The following DRC11 variants were observed in gnomAD, a reference collection of about 807,000 sequenced individuals.
DRC11 encodes dynein regulatory complex subunit 11, also known as IQ and AAA domain-containing protein 1.
the DRC11 span, among the ~76,000 whole-genome samples, chr2:236,349,266 TC>T: frequency 6.6e-6 from 1 of 152,142 alleles, no homozygotes; most frequent in Admixed American, 6.5e-5. This position sits in a 1 kb window ranked among gnomAD's most constrained non-coding sequence, Gnocchi z 5.5. Flanking sequence ...GGGCCATTGT[TC>T]CCTTACAGCT....
the DRC11 span, among the ~76,000 whole-genome samples, chr2:236,491,419 T>C: frequency 6.6e-6 from 1 of 150,704 alleles, no homozygotes; most frequent in East Asian, 2.0e-4. Context: ...CTTAACCCAG[T>C]GGAGGTGATA....
At chr2:236,422,738 T>C in the DRC11 span, among the ~76,000 whole-genome samples, 13 of 151,966 alleles carry the variant, frequency 8.6e-5, no homozygotes, top group Non-Finnish European at 1.5e-5. Flanking sequence ...GAGCCCGCAT[T>C]GCCAAGTCAA....
At chr2:236,439,196 G>A in the DRC11 span, among the ~76,000 whole-genome samples, 1 of 151,430 alleles carries the variant, frequency 6.6e-6, no homozygotes, top group African/African-American at 2.4e-5. Context: ...AAAGCTAGCA[G>A]AAGGCAAGAA....
At chr2:236,459,825 A>G in the DRC11 span, among the ~76,000 whole-genome samples, 1 of 152,012 alleles carries the variant, frequency 6.6e-6, no homozygotes, top group Non-Finnish European at 1.5e-5. Context: ...CGAATGTTCT[A>G]CAACGAACAT....
chr2:236,384,509 G>A, the DRC11 span, among the ~76,000 whole-genome samples: 3 of 151,858 alleles, frequency 2.0e-5, no homozygotes, highest in Admixed American at 6.6e-5. Flanking sequence ...TTTTGATGGG[G>A]TCTTTTTTTC....
At chr2:236,411,342 T>A in the DRC11 span, among the ~76,000 whole-genome samples, 1 of 150,750 alleles carries the variant, frequency 6.6e-6, no homozygotes, top group African/African-American at 2.4e-5. Flanking sequence ...AAAACCACAA[T>A]GAGATACCAT....
the DRC11 span, among the ~76,000 whole-genome samples, chr2:236,466,645 G>A: frequency 1.2e-4 from 18 of 152,130 alleles, no homozygotes; most frequent in Non-Finnish European, 2.2e-4. Context: ...AGAAGGGGAG[G>A]TCCCAGACTT....
At chr2:236,495,497 GA>G in the DRC11 span, among the ~76,000 whole-genome samples, 1 of 152,178 alleles carries the variant, frequency 6.6e-6, no homozygotes, top group African/African-American at 2.4e-5. The surrounding 1 kb of genome is among the most constrained non-coding windows in gnomAD (Gnocchi z 5.6). Context: ...CTATGGAGTG[GA>G]ATCTAGGAAA....
At chr2:236,504,725 A>C in the DRC11 span, among the ~76,000 whole-genome samples, 1 of 152,172 alleles carries the variant, frequency 6.6e-6, no homozygotes, top group African/African-American at 2.4e-5. This position sits in a 1 kb window ranked among gnomAD's most constrained non-coding sequence, Gnocchi z 5.0. Context: ...GAGGTAACTG[A>C]ATCATGGGGA....
At chr2:236,473,831 A>G in the DRC11 span, among the ~76,000 whole-genome samples, 4 of 152,292 alleles carry the variant, frequency 2.6e-5, no homozygotes, top group East Asian at 3.9e-4. The surrounding 1 kb of genome is among the most constrained non-coding windows in gnomAD (Gnocchi z 4.8). Context: ...TCGGTCAGGA[A>G]TTGAATGCAT....
At chr2:236,401,254 A>G in the DRC11 span, among the ~76,000 whole-genome samples, 3 of 152,046 alleles carry the variant, frequency 2.0e-5, no homozygotes, top group African/African-American at 7.2e-5. This position sits in a 1 kb window ranked among gnomAD's most constrained non-coding sequence, Gnocchi z 4.6. Context: ...TGCACCTGCC[A>G]TGCTCTTTGC....
At chr2:236,491,205 TATA>T in the DRC11 span, among the ~76,000 whole-genome samples, 3 of 59,330 alleles carry the variant, frequency 5.1e-5, 1 homozygote, top group African/African-American at 2.3e-4. Context: ...TATATATATA[TATA>T]TATACACACA....
the DRC11 span, among the ~76,000 whole-genome samples, chr2:236,502,890 G>A: frequency 6.6e-6 from 1 of 152,176 alleles, no homozygotes; most frequent in Middle Eastern, 3.4e-3. Flanking sequence ...GGGAGGCGGA[G>A]GTTGCAGTGA....
the DRC11 span, chr2:236,331,260 G>A: frequency 1.1e-6 from 1 of 876,418 alleles, no homozygotes; most frequent in South Asian, 1.5e-5. The surrounding 1 kb of genome is among the most constrained non-coding windows in gnomAD (Gnocchi z 4.8). Flanking sequence ...CACTGTATAT[G>A]GCCGAGTTCC....
At chr2:236,416,757 ATATATATATAT>A in the DRC11 span, among the ~76,000 whole-genome samples, 16 of 86,398 alleles carry the variant, frequency 1.9e-4, no homozygotes, top group African/African-American at 5.3e-4. Context: ...ATATATATAT[ATATATATATAT>A]AAATAATTTT....
chr2:236,379,040 C>T, the DRC11 span, among the ~76,000 whole-genome samples: 1 of 152,204 alleles, frequency 6.6e-6, no homozygotes, highest in Non-Finnish European at 1.5e-5. Flanking sequence ...GGCTGCTTGC[C>T]AGGGCCGCGG....
the DRC11 span, among the ~76,000 whole-genome samples, chr2:236,451,935 T>C: frequency 6.6e-6 from 1 of 152,224 alleles, no homozygotes; most frequent in Admixed American, 6.5e-5. Flanking sequence ...AATAAGTATG[T>C]ATGCCTAGTA....
At chr2:236,387,339 G>A in the DRC11 span, among the ~76,000 whole-genome samples, 5 of 152,156 alleles carry the variant, frequency 3.3e-5, no homozygotes, top group Admixed American at 6.5e-5. Flanking sequence ...TTATGAATCT[G>A]GGTGCTCCTG....
the DRC11 span, among the ~76,000 whole-genome samples, chr2:236,354,562 T>C: frequency 2.0e-5 from 3 of 152,128 alleles, no homozygotes; most frequent in African/African-American, 4.8e-5. Flanking sequence ...TCTAGCCAGC[T>C]TGGAGAAGCC....
Sources: gnomAD v4.1 joint callset for allele counts (sites outside exome capture counted in the v4.1 genomes callset) on GRCh38, gnomAD v4.1.1 for gene constraint, Gnocchi (gnomAD v3.1) non-coding constraint, MANE v1.5 for transcripts, NCBI Gene and HGNC (gene_info 2026-07-23, HGNC 2026-07-21) for gene names.